The following LAMC3 variants were observed in gnomAD, a reference collection of about 807,000 sequenced individuals.
LAMC3 encodes the protein laminin subunit gamma-3.
Under a neutral mutation model 173.8 loss-of-function variants are expected in LAMC3, and 128 were observed. The ratio of observed to expected loss-of-function variants is 0.74; its 90% CI spans 0.64 to 0.85. LAMC3 has a LOEUF of 0.85. LAMC3 is among the 40% of genes least tolerant of loss of function. The probability of loss-of-function intolerance (pLI) is 0.00; values close to 1 mark genes in which losing one functional copy is unlikely to be tolerated. For synonymous variants in LAMC3, 897 were observed against 909.1 expected (o/e 0.99, Z 0.24); for missense variants, 2,022 against 2,156.0 (o/e 0.94, Z 1.23).
intron 13 of LAMC3, among the ~76,000 whole-genome samples, chr9:131,065,323 A>G (rs1829911765): frequency 6.6e-6 from 1 of 152,210 alleles, no homozygotes; most frequent in South Asian, 2.1e-4. Flanking sequence ...GGTAACCTGG[A>G]GGCTGGAAGA....
At chr9:131,078,297 C>G (rs1163325769) in intron 22 of LAMC3, among the ~76,000 whole-genome samples, 1 of 152,104 alleles carries the variant, frequency 6.6e-6, no homozygotes, top group East Asian at 1.9e-4. Flanking sequence ...CGAGACCATC[C>G]TGGCTAACAT....
rs781585501 is a variant in LAMC3, at chr9:131,087,495, G to A, written c.4250G>A (p.Arg1417Lys). The A allele has an allele frequency of 6.2e-7, 1 of 1,613,720 alleles. No individual in the cohort carries two copies. The highest frequency in any genetic ancestry group is 1.3e-5 in the African/African-American group (1 of 74,954). ...DSAKLAKALL[R>K]ERKQAHRRAS... ...CCATAGCTTGCCAAGGCCTTGCTGA[G>A]GGAGCGGAAACAGGCGCACCGCCGT... Residue 1417 changes from arginine (R) to lysine (K), a missense_variant, in exon 26 of 28, where the codon AGG (arginine) becomes AAG (lysine). Physicochemically the swap from Arg to Lys is conservative, Grantham distance 26 (BLOSUM62 2). Coordinates refer to ENST00000361069, the MANE Select transcript of LAMC3 (RefSeq NM_006059.4).
intron 2 of LAMC3, among the ~76,000 whole-genome samples, chr9:131,028,854 C>T (rs1473596570): frequency 3.9e-5 from 6 of 152,142 alleles, no homozygotes; most frequent in East Asian, 1.9e-4. Context: ...ATAGAGACCT[C>T]GTCTCACTAT....
At chr9:131,082,202 A>G in intron 24 of LAMC3, 41 bp downstream of exon 24, 1 of 1,440,884 alleles carries the variant, frequency 6.9e-7, no homozygotes, top group Non-Finnish European at 9.7e-7. Flanking sequence ...GTAATGACGA[A>G]CGCCCCTGAC....
At chr9:131,067,825 A>G (rs911258967) in intron 14 of LAMC3, among the ~76,000 whole-genome samples, 2 of 152,126 alleles carry the variant, frequency 1.3e-5, no homozygotes, top group African/African-American at 4.8e-5. Flanking sequence ...GCAGCCTGCC[A>G]GGGCTCAGGG....
intron 4 of LAMC3, 119 bp from the exon 5 acceptor site, chr9:131,038,745 G>A: frequency 1.9e-6 from 2 of 1,036,804 alleles, no homozygotes; most frequent in Non-Finnish European, 3.0e-6. Context: ...TCTGGACCAT[G>A]CTCTTGCCCT....
At chr9:131,057,725 C>T (rs1554788048) in intron 12 of LAMC3, among the ~76,000 whole-genome samples, 1 of 152,170 alleles carries the variant, frequency 6.6e-6, no homozygotes, top group Non-Finnish European at 1.5e-5. Context: ...TCTGTTTCTA[C>T]ACAAAGCCAT....
chr9:131,040,591 T>C (rs1221169245), intron 6 of LAMC3, among the ~76,000 whole-genome samples: 2 of 152,144 alleles, frequency 1.3e-5, no homozygotes, highest in African/African-American at 2.4e-5. Context: ...TTGTAAAATA[T>C]TTGGTGGTTC....
chr9:131,083,383 TAG>T (rs1830275953), intron 24 of LAMC3, among the ~76,000 whole-genome samples: 1 of 152,214 alleles, frequency 6.6e-6, no homozygotes, highest in South Asian at 2.1e-4. Context: ...GATCCCATTT[TAG>T]AGACACCCTT....
intron 22 of LAMC3, among the ~76,000 whole-genome samples, chr9:131,078,417 G>A (rs924456786): frequency 1.3e-5 from 2 of 152,086 alleles, no homozygotes; most frequent in African/African-American, 2.4e-5. Flanking sequence ...CCTGGGAGGC[G>A]GAGCTTGCAG....
intron 1 of LAMC3, among the ~76,000 whole-genome samples, chr9:131,024,781 C>A (rs75897787): frequency 0.018 from 2,786 of 152,246 alleles, 82 homozygotes; most frequent in African/African-American, 0.063. Context: ...GCAGAGATTA[C>A]CAAAGAGACG....
At chr9:131,052,443 C>A in intron 9 of LAMC3, 48 bp from the exon 10 acceptor site, 1 of 1,481,712 alleles carries the variant, frequency 6.7e-7, no homozygotes, top group South Asian at 1.1e-5. Flanking sequence ...CATTTAAAAT[C>A]AAGCTAACCA....
At chr9:131,075,269 TAAAAAG>T (rs559125200) in intron 20 of LAMC3, among the ~76,000 whole-genome samples, 138 of 148,164 alleles carry the variant, frequency 9.3e-4, no homozygotes, top group Middle Eastern at 4.0e-3. Context: ...CTCCATCTCT[TAAAAAG>T]AAAAAAATAA....
In LAMC3 at chr9:131,092,910, C is replaced by T. The variant is rs1411506482; in HGVS notation, c.*1123C>T. The T allele has an allele frequency of 6.6e-6, 1 of 152,540 alleles. No individual in the cohort carries two copies. Among genetic ancestry groups the T allele is most frequent in the African/African-American group, 2.4e-5 (1 of 41,480 alleles). 9.4% of individuals were successfully genotyped at this position (152,540 alleles called of 1,614,324 possible). On this transcript the variant is annotated 3_prime_UTR_variant, in exon 28 of 28. Coordinates refer to ENST00000361069, the MANE Select transcript of LAMC3 (RefSeq NM_006059.4). ...GCATCCCTCCCCTCTCCCAGACCCT[C>T]TTCCAGCAGATGGCAAGGCCTCGGC...
chr9:131,012,912 C>T (rs1223894522), intron 1 of LAMC3, among the ~76,000 whole-genome samples: 2 of 152,212 alleles, frequency 1.3e-5, no homozygotes, highest in African/African-American at 4.8e-5. Context: ...CGGATCCTCC[C>T]GTCATCTCTG....
At chr9:131,028,418 C>A (rs924411640) in intron 2 of LAMC3, among the ~76,000 whole-genome samples, 3 of 152,216 alleles carry the variant, frequency 2.0e-5, no homozygotes, top group Non-Finnish European at 4.4e-5. Flanking sequence ...GTCTCCTTTG[C>A]CCATCTGGGA....
At chr9:131,019,900 A>G (rs115812171) in intron 1 of LAMC3, among the ~76,000 whole-genome samples, 11,944 of 148,878 alleles carry the variant, frequency 0.08, 566 homozygotes, top group Middle Eastern at 0.15. Context: ...CGGGCCCCGC[A>G]CCGCCCACGC....
Position 131,026,646 on chromosome 9 carries a change from G to C in LAMC3, c.678+57G>C, listed in dbSNP as rs1406777096. The stretch of plus-strand genomic sequence containing the variant: ...ACGGGGTTGGGACTGGGTCACGGCA[G>C]TAGGAGGGTCTGATGTGCCAGGACA... On this transcript the variant is annotated intron_variant, in intron 2 of 27. Transcript: ENST00000361069. The surrounding 1 kb of genome is among the most constrained non-coding windows in gnomAD (Gnocchi z 4.8). 2 of 1,491,242 alleles carry C rather than the reference G, an allele frequency of 1.3e-6. No individual in the cohort carries two copies. The highest frequency in any genetic ancestry group is 1.8e-6 in the Non-Finnish European group (2 of 1,121,346). 92.4% of individuals were successfully genotyped at this position (1,491,242 alleles called of 1,614,324 possible). A position where few individuals can be genotyped will look rare whatever the true frequency, so the allele number is the denominator to read the frequency against.
chr9:131,063,026 G>A (rs1333632890), intron 13 of LAMC3, among the ~76,000 whole-genome samples: 1 of 152,174 alleles, frequency 6.6e-6, no homozygotes, highest in Non-Finnish European at 1.5e-5. Context: ...GATCTGGCTT[G>A]TTTCATGCAG....
Sources: gnomAD v4.1 joint callset for allele counts (sites outside exome capture counted in the v4.1 genomes callset) on GRCh38, gnomAD v4.1.1 for gene constraint, Gnocchi (gnomAD v3.1) non-coding constraint, MANE v1.5 for transcripts, NCBI Gene and HGNC (gene_info 2026-07-23, HGNC 2026-07-21) for gene names.